The following SLC23A2 variants were observed in gnomAD, a reference collection of about 807,000 sequenced individuals.
SLC23A2 encodes the protein solute carrier family 23 member 2.
Under a neutral mutation model 73.3 loss-of-function variants are expected in SLC23A2, and 36 were observed. The ratio of observed to expected loss-of-function variants is 0.49; its 90% CI spans 0.38 to 0.65. The LOEUF is 0.65. Among genes scored for constraint, SLC23A2 ranks in the 30% least tolerant of loss-of-function variants. SLC23A2 has a pLI of 0.00. For missense variants in SLC23A2, 507 were observed against 841.6 expected (o/e 0.60, Z 4.92); for synonymous variants, 343 against 327.3 (o/e 1.05, Z -0.52).
At chr20:4,890,394 T>A (rs1931286477) in intron 6 of SLC23A2, among the ~76,000 whole-genome samples, 1 of 152,238 alleles carries the variant, frequency 6.6e-6, no homozygotes, top group African/African-American at 2.4e-5. Context: ...GGCTCATGCC[T>A]GTAATCCCAG....
chr20:4,868,178 C>T lies in SLC23A2; in HGVS notation c.1251-303G>A, dbSNP rs1930284591. 6.8e-6 allele frequency among the ~76,000 whole-genome samples: 1 copy of T among 146,348 alleles called. No individual in the cohort carries two copies. Among genetic ancestry groups the T allele is most frequent in the Admixed American group, 7.0e-5 (1 of 14,246 alleles). On this transcript the variant is annotated intron_variant, in intron 12 of 16. Transcript: ENST00000338244. This position sits in a 1 kb window ranked among gnomAD's most constrained non-coding sequence, Gnocchi z 4.4. ...CACTGCAACCTCCACCTCCTGGGTT[C>T]AAGAGATTCTCCTGCCTCCCGAGTA...
chr20:4,873,888 G>A (rs749926389), intron 11 of SLC23A2, 48 bp downstream of exon 11: 2 of 1,560,250 alleles, frequency 1.3e-6, no homozygotes, highest in South Asian at 2.4e-5. Flanking sequence ...ACCCCTCTCA[G>A]TTGGGCCCTC....
chr20:5,000,729 G>A (rs567960147), intron 1 of SLC23A2, among the ~76,000 whole-genome samples: 64 of 152,186 alleles, frequency 4.2e-4, no homozygotes, highest in African/African-American at 1.5e-3. Context: ...CCAAACGAAG[G>A]AGAAAATCCT....
intron 2 of SLC23A2, among the ~76,000 whole-genome samples, chr20:4,958,341 T>A (rs972379040): frequency 6.6e-6 from 1 of 152,208 alleles, no homozygotes; most frequent in South Asian, 2.1e-4. Context: ...TATTCTCAGA[T>A]TAAATCTTAT....
At chr20:4,871,800 T>A (rs1047067861) in intron 11 of SLC23A2, among the ~76,000 whole-genome samples, 2 of 152,142 alleles carry the variant, frequency 1.3e-5, no homozygotes, top group African/African-American at 2.4e-5. Flanking sequence ...TGGAATGGAT[T>A]TTCCTCATTC....
chr20:4,896,966 C>T (rs1931551157), intron 6 of SLC23A2, among the ~76,000 whole-genome samples: 1 of 152,172 alleles, frequency 6.6e-6, no homozygotes, highest in South Asian at 2.1e-4. Context: ...CTGGGCAGAG[C>T]CCTTGGAGCC....
intron 6 of SLC23A2, among the ~76,000 whole-genome samples, chr20:4,898,137 C>T (rs17339942): frequency 0.047 from 7,177 of 152,320 alleles, 254 homozygotes; most frequent in Middle Eastern, 0.13. Context: ...TTCCCCTAGT[C>T]GGTCAGTGAT....
At chr20:4,952,103 CAAA>C (rs57832305) in intron 2 of SLC23A2, among the ~76,000 whole-genome samples, 3 of 40,530 alleles carry the variant, frequency 7.4e-5, no homozygotes, top group East Asian at 8.6e-4. Flanking sequence ...GACTCTGACT[CAAA>C]AAAAAAAAAA....
At chr20:4,867,443 G>T (rs1417428590) in intron 13 of SLC23A2, among the ~76,000 whole-genome samples, 1 of 152,096 alleles carries the variant, frequency 6.6e-6, no homozygotes, top group African/African-American at 2.4e-5. Flanking sequence ...GCTGATTGTT[G>T]ATTGCTAGAA....
chr20:4,958,239 C>A (rs2087323628), intron 2 of SLC23A2, among the ~76,000 whole-genome samples: 1 of 152,230 alleles, frequency 6.6e-6, no homozygotes, highest in Non-Finnish European at 1.5e-5. Flanking sequence ...GCAGGAAAGT[C>A]ATTAACCAGT....
rs955617491 is a variant in SLC23A2 at position 4,863,369 on chromosome 20, C to T, written c.1357-462G>A. ...GAGAGGTGGAAAAGAGAAGGGGCTA[C>T]GGATGAGGACATCTGGAGCCTGACT... On this transcript the variant is annotated intron_variant, in intron 13 of 16. Transcript: ENST00000338244. This position sits in a 1 kb window ranked among gnomAD's most constrained non-coding sequence, Gnocchi z 4.8. 2.0e-5 allele frequency among the ~76,000 whole-genome samples: 3 copies of T among 152,220 alleles called. No individual in the cohort carries two copies. The highest frequency in any genetic ancestry group is 1.9e-4 in the East Asian group (1 of 5,196).
chr20:4,960,666 GT>G (rs1483069216), intron 2 of SLC23A2, among the ~76,000 whole-genome samples: 1 of 152,186 alleles, frequency 6.6e-6, no homozygotes, highest in Non-Finnish European at 1.5e-5. Context: ...TTATATGTTG[GT>G]TTGTGAATAT....
At chr20:4,938,848 T>A (rs982334708) in intron 2 of SLC23A2, among the ~76,000 whole-genome samples, 1 of 152,138 alleles carries the variant, frequency 6.6e-6, no homozygotes, top group Non-Finnish European at 1.5e-5. Context: ...ACCCTGCTCA[T>A]GCCATCCCTC....
At position 4,876,037 on chromosome 20, in the gene SLC23A2, CA is replaced by C. The variant is rs536535033; in HGVS notation, c.825-1342del. ...GCGCTTCGGTGAACTGGTGATCCAT[CA>C]GGGGTCTCTGCCAGTACCAGTTCAA... On this transcript the variant is annotated intron_variant, in intron 9 of 16. Transcript: ENST00000338244. Among the ~76,000 whole-genome samples the C allele has an allele frequency of 4.6e-4, 70 of 152,294 alleles. 1 individual carries two copies. In the East Asian group the frequency reaches 9.1e-3, roughly 20 times the overall value.
chr20:4,897,368 G>T (rs1568614031), intron 6 of SLC23A2, among the ~76,000 whole-genome samples: 1 of 152,226 alleles, frequency 6.6e-6, no homozygotes, highest in Non-Finnish European at 1.5e-5. Flanking sequence ...CTGTGGGGAG[G>T]ATGGAAGCAG....
At chr20:5,004,068 C>T (rs1347498939), upstream of SLC23A2, among the ~76,000 whole-genome samples, 1 of 152,134 alleles carries the variant, frequency 6.6e-6, no homozygotes, top group Non-Finnish European at 1.5e-5. Context: ...CTAACCCCCT[C>T]TGAAGGTCAG....
Position 4,862,390 on chromosome 20 carries a change from G to A in SLC23A2, c.1487-305C>T, listed in dbSNP as rs1010313049. Among the ~76,000 whole-genome samples, 2 of 152,238 alleles carry A rather than the reference G, an allele frequency of 1.3e-5. No individual in the cohort carries two copies. Among genetic ancestry groups the A allele is most frequent in the African/African-American group, 4.8e-5 (2 of 41,456 alleles). ...TCTACACAAACATTTTGATTAAACA[G>A]GGAGACCTACCTAAATATCTGGTGC... On this transcript the variant is annotated intron_variant, in intron 14 of 16. Coordinates refer to ENST00000338244, the MANE Select transcript of SLC23A2 (RefSeq NM_005116.6). This position sits in a 1 kb window ranked among gnomAD's most constrained non-coding sequence, Gnocchi z 5.1.
At chr20:4,996,093 A>G (rs557096329) in intron 1 of SLC23A2, among the ~76,000 whole-genome samples, 3 of 152,280 alleles carry the variant, frequency 2.0e-5, no homozygotes, top group African/African-American at 7.2e-5. Flanking sequence ...AGGACTAGCA[A>G]TAATAACCTA....
Position 4,855,526 on chromosome 20 carries a change from G to T in SLC23A2, c.*1446C>A, listed in dbSNP as rs1929682455. The T allele has an allele frequency of 6.6e-6, 1 of 152,264 alleles. No individual in the cohort carries two copies. The highest frequency in any genetic ancestry group is 2.4e-5 in the African/African-American group (1 of 41,446). The allele number at this position is 152,264 out of a possible 1,614,324, so 9.4% of individuals were successfully genotyped here. A position where few individuals can be genotyped will look rare whatever the true frequency, so the allele number is the denominator to read the frequency against. ...AGGAAGAATTTAGTGTTATTAATTA[G>T]AACTCTCTTAAGTGAGAGGGAGCCT... On this transcript the variant is annotated 3_prime_UTR_variant, in exon 17 of 17. Transcript: ENST00000338244.
Sources: allele counts gnomAD v4.1 joint callset (sites outside exome capture counted in the v4.1 genomes callset), GRCh38; gene constraint gnomAD v4.1.1; non-coding constraint Gnocchi (gnomAD v3.1); transcripts MANE v1.5; gene names NCBI Gene and HGNC (gene_info 2026-07-23, HGNC 2026-07-21).